The following ANO4 variants were observed in gnomAD, a reference collection of about 807,000 sequenced individuals.
ANO4 encodes the protein anoctamin 4.
A neutral mutation model predicts 141.9 loss-of-function variants in ANO4; 69 were observed. The observed-to-expected ratio is 0.49, with a 90% CI of 0.40 to 0.59. The LOEUF (loss-of-function observed/expected upper bound fraction) is 0.59, where lower values mean the gene tolerates loss of function less well. Ranked by LOEUF, ANO4 falls within the 20% of genes least tolerant of loss-of-function variation. The pLI is 0.00. For synonymous variants in ANO4, 350 were observed against 394.3 expected, an observed-to-expected ratio of 0.89 and a Z score of 1.33; for missense variants, 894 against 1,162.2, an observed-to-expected ratio of 0.77 and a Z score of 3.36.
At chr12:100,721,944 A>G in intron 1 of ANO4, among the ~76,000 whole-genome samples, 1 of 151,548 alleles carries the variant, frequency 6.6e-6, no homozygotes, top group East Asian at 1.9e-4. Flanking sequence ...TGGCCTCTCA[A>G]ATCCCTGCTG....
At chr12:101,029,569 A>G (rs894324209) in intron 9 of ANO4, among the ~76,000 whole-genome samples, 1 of 152,204 alleles carries the variant, frequency 6.6e-6, no homozygotes, top group African/African-American at 2.4e-5. Context: ...ATGAAGATCA[A>G]AAAAGACAAG....
In ANO4 at chr12:101,037,124, T is replaced by A; in HGVS notation, c.871T>A (p.Tyr291Asn). The A allele has an allele frequency of 6.2e-7, 1 of 1,614,086 alleles. No homozygotes were observed. Among genetic ancestry groups the A allele is most frequent in the Non-Finnish European group, 8.5e-7 (1 of 1,179,946 alleles). Residue 291 changes from tyrosine (Y) to asparagine (N), a missense_variant, in exon 10 of 28, where the codon TAT (tyrosine) becomes AAT (asparagine). By Grantham distance (143) the Tyr-to-Asn change is moderately radical. Coordinates refer to ENST00000392977, the MANE Select transcript of ANO4 (RefSeq NM_001286615.2). ...GLNRLLTNGS[Y>N]EAAFPLHEGS... ...GAATCGTTTGCTTACCAATGGCTCCTATGAAGCTGCGTTTCCCCTGCATGA... is the reference window on the plus strand; with the variant it reads ...GAATCGTTTGCTTACCAATGGCTCCAATGAAGCTGCGTTTCCCCTGCATGA...
intron 8 of ANO4, among the ~76,000 whole-genome samples, chr12:100,988,228 G>T (rs1189257022): frequency 6.6e-6 from 1 of 152,088 alleles, no homozygotes; most frequent in Non-Finnish European, 1.5e-5. Context: ...TTGACATGGG[G>T]GGAGGAAAAA....
At chr12:101,001,429 A>G (rs2045635514) in intron 8 of ANO4, among the ~76,000 whole-genome samples, 2 of 152,194 alleles carry the variant, frequency 1.3e-5, no homozygotes, top group African/African-American at 4.8e-5. Flanking sequence ...CGCCCTCCAC[A>G]TTATCTTTTT....
intron 9 of ANO4, among the ~76,000 whole-genome samples, chr12:101,020,704 A>G (rs1158359258): frequency 2.6e-5 from 4 of 152,194 alleles, no homozygotes; most frequent in African/African-American, 9.7e-5. Flanking sequence ...CTGTCCCACA[A>G]AAGCAACTTC....
chr12:100,955,649 G>C (rs947252416), intron 5 of ANO4, among the ~76,000 whole-genome samples: 4 of 152,164 alleles, frequency 2.6e-5, no homozygotes, highest in African/African-American at 9.7e-5. Flanking sequence ...TATGCTCAGC[G>C]TATTTGAGGA....
At chr12:100,824,600 A>G (rs1313484978) in intron 1 of ANO4, among the ~76,000 whole-genome samples, 1 of 152,016 alleles carries the variant, frequency 6.6e-6, no homozygotes, top group Admixed American at 6.6e-5. Context: ...CAGAAATGTG[A>G]CTCTGAATAA....
intron 14 of ANO4, among the ~76,000 whole-genome samples, chr12:101,072,147 T>C (rs2048839904): frequency 6.6e-6 from 1 of 152,206 alleles, no homozygotes; most frequent in Non-Finnish European, 1.5e-5. Context: ...ATGGTTTTCC[T>C]TATGATCTTT....
intron 1 of ANO4, among the ~76,000 whole-genome samples, chr12:100,868,039 T>C (rs544847808): frequency 5.3e-5 from 8 of 152,318 alleles, no homozygotes; most frequent in South Asian, 2.1e-4. Context: ...CAAGACTCTG[T>C]CACCTGTCTC....
intron 22 of ANO4, among the ~76,000 whole-genome samples, chr12:101,104,037 A>G (rs1030661691): frequency 2.0e-5 from 3 of 151,890 alleles, no homozygotes; most frequent in Non-Finnish European, 4.4e-5. Context: ...AATTGTTTAT[A>G]TATCTCCTTA....
intron 2 of ANO4, among the ~76,000 whole-genome samples, chr12:100,734,439 TCTTGATTCTAGAATGTTGGGCAGTGA>T (rs1289707904): frequency 6.6e-6 from 1 of 152,208 alleles, no homozygotes. Flanking sequence ...TTCAAAACTT[TCTTGATTCTAGAATGTTGGGCAGTGA>T]CTTAGAGATC....
At chr12:101,123,855 A>G (rs1269971725) in intron 26 of ANO4, among the ~76,000 whole-genome samples, 1 of 152,160 alleles carries the variant, frequency 6.6e-6, no homozygotes, top group Non-Finnish European at 1.5e-5. Flanking sequence ...GTATGAGATA[A>G]TATTTCATTG....
Position 101,042,342 on chromosome 12 carries a change from T to C in ANO4, c.1028T>C (p.Phe343Ser). ...YQPLDLVRRY[F>S]GEKIGLYFAW... ...CGTTGTGTCTTTAACAGGCGGTACT[T>C]TGGAGAGAAGATTGGGTTATATTTT... Residue 343 changes from phenylalanine (F) to serine (S), a missense_variant, in exon 12 of 28, where the codon TTT (phenylalanine) becomes TCT (serine). Physicochemically the swap from Phe to Ser is radical, Grantham distance 155 (BLOSUM62 -2). Coordinates refer to ENST00000392977, the MANE Select transcript of ANO4 (RefSeq NM_001286615.2). 1 of 1,614,100 alleles carries C rather than the reference T, an allele frequency of 6.2e-7. No individual in the cohort carries two copies. The highest frequency in any genetic ancestry group is 8.5e-7 in the Non-Finnish European group (1 of 1,179,988).
intron 3 of ANO4, among the ~76,000 whole-genome samples, chr12:100,746,576 G>A (rs1163343617): frequency 6.6e-6 from 1 of 152,124 alleles, no homozygotes; most frequent in Non-Finnish European, 1.5e-5. Context: ...GTTTCACAGG[G>A]GACATTTGGC....
intron 8 of ANO4, among the ~76,000 whole-genome samples, chr12:101,010,158 A>G (rs1489929428): frequency 1.3e-5 from 2 of 152,042 alleles, no homozygotes; most frequent in African/African-American, 4.8e-5. Flanking sequence ...TCTTTGTTCT[A>G]TGAGTGTTCT....
intron 1 of ANO4, among the ~76,000 whole-genome samples, chr12:100,824,713 A>G (rs2036237320): frequency 6.6e-6 from 1 of 152,066 alleles, no homozygotes; most frequent in Non-Finnish European, 1.5e-5. Flanking sequence ...GATCTTATCA[A>G]TGAAGTACAC....
intron 6 of ANO4, among the ~76,000 whole-genome samples, chr12:100,973,338 T>A (rs2044012129): frequency 6.6e-6 from 1 of 152,242 alleles, no homozygotes; most frequent in South Asian, 2.1e-4. Flanking sequence ...TCATTTTAGC[T>A]GAATTTTAAT....
intron 5 of ANO4, among the ~76,000 whole-genome samples, chr12:100,949,197 C>T (rs771353783): frequency 6.6e-6 from 1 of 152,162 alleles, no homozygotes; most frequent in Non-Finnish European, 1.5e-5. Flanking sequence ...CTGGTGAGAC[C>T]CTAAAGCAGA....
chr12:101,067,312 G>T lies in ANO4; in HGVS notation c.1313-11881G>T, dbSNP rs73377072. 5.6e-3 allele frequency among the ~76,000 whole-genome samples: 848 copies of T among 152,210 alleles called. 13 individuals are homozygous for T. Among genetic ancestry groups the T allele is most frequent in the African/African-American group, 0.02 (816 of 41,524 alleles). On this transcript the variant is annotated intron_variant, in intron 14 of 27. Transcript: ENST00000392977. The stretch of plus-strand genomic sequence containing the variant: ...TTAGTCTTATTTACCTTTAGGTTTG[G>T]TTTTTCTCTGGTATGTTCTTTCCAA...
Sources: gnomAD v4.1 joint callset for allele counts (sites outside exome capture counted in the v4.1 genomes callset) on GRCh38, gnomAD v4.1.1 for gene constraint, MANE v1.5 for transcripts, NCBI Gene and HGNC (gene_info 2026-07-23, HGNC 2026-07-21) for gene names.